GRID2: variants seen among roughly 807,000 people sequenced by gnomAD.
The protein encoded by GRID2 is glutamate ionotropic receptor delta type subunit 2.
GRID2 carries 33 observed loss-of-function variants against 114.8 expected under a neutral mutation model. The observed-to-expected ratio is 0.29, with a 90% confidence interval of 0.22 to 0.38. The LOEUF (loss-of-function observed/expected upper bound fraction) is 0.38. Ranked by LOEUF, GRID2 falls within the 10% of genes least tolerant of loss-of-function variation. GRID2 has a pLI of 1.00. For missense variants in GRID2, 1,184 were observed against 1,257.7 expected, an observed-to-expected ratio of 0.94 and a Z score of 0.89; for synonymous variants, 505 against 449.9, an observed-to-expected ratio of 1.12 and a Z score of -1.55.
chr4:93,766,179 A>G (rs2110326670), intron 14 of GRID2, among the ~76,000 whole-genome samples: 1 of 152,280 alleles, frequency 6.6e-6, no homozygotes, highest in Middle Eastern at 3.4e-3. Context: ...ATGAAGGAAA[A>G]TTCTTACACT....
intron 2 of GRID2, among the ~76,000 whole-genome samples, chr4:92,923,251 G>GT (rs1426436117): frequency 2.0e-5 from 3 of 152,092 alleles, no homozygotes; most frequent in Non-Finnish European, 4.4e-5. Flanking sequence ...ATGTTTGTAA[G>GT]TTTTTTATCA....
chr4:92,596,749 G>C (rs1400030584), intron 2 of GRID2, among the ~76,000 whole-genome samples: 1 of 150,216 alleles, frequency 6.7e-6, no homozygotes, highest in Non-Finnish European at 1.5e-5. Context: ...TTCCCATTAA[G>C]AGCAATTAAA....
At chr4:92,441,548 G>T (rs563780195) in intron 1 of GRID2, among the ~76,000 whole-genome samples, 1 of 152,272 alleles carries the variant, frequency 6.6e-6, no homozygotes, top group South Asian at 2.1e-4. Flanking sequence ...CAATTTTGTT[G>T]ATAAGGCGCA....
intron 2 of GRID2, among the ~76,000 whole-genome samples, chr4:92,745,799 A>G (rs1445525544): frequency 1.3e-5 from 2 of 152,128 alleles, no homozygotes; most frequent in African/African-American, 4.8e-5. Context: ...ATATATTTAA[A>G]TACAAAAAGA....
chr4:93,129,646 T>G (rs1579071245), intron 4 of GRID2, among the ~76,000 whole-genome samples: 1 of 152,312 alleles, frequency 6.6e-6, no homozygotes, highest in East Asian at 1.9e-4. Context: ...TAAACCTTAC[T>G]TCACCATCAT....
intron 14 of GRID2, among the ~76,000 whole-genome samples, chr4:93,705,046 T>C (rs1638963881): frequency 6.6e-6 from 1 of 152,172 alleles, no homozygotes; most frequent in African/African-American, 2.4e-5. Flanking sequence ...CCATAATGGC[T>C]TTACTAATTT....
intron 14 of GRID2, among the ~76,000 whole-genome samples, chr4:93,657,395 A>G (rs1723114034): frequency 1.3e-5 from 2 of 152,198 alleles, no homozygotes; most frequent in Admixed American, 6.5e-5. Flanking sequence ...TAAATGAACC[A>G]CTGTTATAGA....
intron 8 of GRID2, among the ~76,000 whole-genome samples, chr4:93,244,500 TAG>T: frequency 3.9e-5 from 2 of 51,254 alleles, no homozygotes; most frequent in African/African-American, 7.7e-5. Context: ...TATTAATTAA[TAG>T]ATTATATAAT....
intron 2 of GRID2, among the ~76,000 whole-genome samples, chr4:92,989,592 A>G (rs1291816452): frequency 6.6e-6 from 1 of 152,160 alleles, no homozygotes; most frequent in Non-Finnish European, 1.5e-5. Context: ...ATGTCATTTT[A>G]CTAATTATCA....
intron 12 of GRID2, among the ~76,000 whole-genome samples, chr4:93,501,147 G>A (rs1480274327): frequency 1.3e-5 from 2 of 151,924 alleles, no homozygotes; most frequent in Non-Finnish European, 2.9e-5. Context: ...CTGAGAGTGT[G>A]AAACTCCATG....
At chr4:92,801,935 A>C (rs1268807355) in intron 2 of GRID2, among the ~76,000 whole-genome samples, 1 of 151,888 alleles carries the variant, frequency 6.6e-6, no homozygotes, top group Non-Finnish European at 1.5e-5. Flanking sequence ...ATACCTGGGC[A>C]ATCCATCTCT....
intron 14 of GRID2, among the ~76,000 whole-genome samples, chr4:93,682,983 G>GA (rs966494642): frequency 1.0e-4 from 15 of 148,622 alleles, no homozygotes; most frequent in East Asian, 5.9e-4. Context: ...TGTTTCAGAA[G>GA]AAAAAAAAAC....
chr4:93,658,487 C>T (rs1403110891), intron 14 of GRID2, among the ~76,000 whole-genome samples: 4 of 152,096 alleles, frequency 2.6e-5, no homozygotes, highest in Admixed American at 2.6e-4. Flanking sequence ...CTTGCAACTA[C>T]CGTGTTTTAC....
intron 11 of GRID2, among the ~76,000 whole-genome samples, chr4:93,487,993 T>C (rs1184923463): frequency 6.6e-6 from 1 of 151,944 alleles, no homozygotes; most frequent in African/African-American, 2.4e-5. Context: ...GTTCCTTGAG[T>C]TGCAATTTTT....
chr4:92,583,357 T>G (rs1459128952), intron 1 of GRID2, among the ~76,000 whole-genome samples: 1 of 152,060 alleles, frequency 6.6e-6, no homozygotes, highest in African/African-American at 2.4e-5. Context: ...TTGCTAATTG[T>G]CATGAATTTG....
At chr4:93,356,707 A>G (rs1257816266) in intron 8 of GRID2, among the ~76,000 whole-genome samples, 1 of 151,944 alleles carries the variant, frequency 6.6e-6, no homozygotes, top group Non-Finnish European at 1.5e-5. Flanking sequence ...CGTGTAAACA[A>G]AAAAAGTTGT....
chr4:92,602,040 AC>A (rs1474980280), intron 2 of GRID2, among the ~76,000 whole-genome samples: 22 of 152,026 alleles, frequency 1.4e-4, no homozygotes, highest in African/African-American at 4.8e-4. Flanking sequence ...AAGGAAAAAA[AC>A]CCCAGGGCCA....
chr4:92,688,037 CTTTTTTTTTTTTT>C (rs760605020), intron 2 of GRID2, among the ~76,000 whole-genome samples: 3 of 44,656 alleles, frequency 6.7e-5, no homozygotes, highest in South Asian at 7.9e-4. Flanking sequence ...CCTTCTTCTT[CTTTTTTTTTTTTT>C]TTTTTTTTTT....
chr4:93,800,625 A>G (rs1296247965), intron 1 of GRID2, among the ~76,000 whole-genome samples: 1 of 152,150 alleles, frequency 6.6e-6, no homozygotes, highest in East Asian at 1.9e-4. Flanking sequence ...TGTTATCAAA[A>G]AGTTTTTATG....
Sources: allele counts gnomAD v4.1 joint callset (sites outside exome capture counted in the v4.1 genomes callset), GRCh38; gene constraint gnomAD v4.1.1; transcripts MANE v1.5; gene names NCBI Gene and HGNC (gene_info 2026-07-23, HGNC 2026-07-21).